The following HIPK2 variants were observed in gnomAD, a reference collection of about 807,000 sequenced individuals.
HIPK2 encodes the protein homeodomain-interacting protein kinase 2.
HIPK2 carries 27 observed loss-of-function variants against 113.7 expected under a neutral mutation model. The observed-to-expected ratio is 0.24, with a 90% confidence interval of 0.17 to 0.33. The LOEUF is 0.33. Ranked by LOEUF, HIPK2 falls within the 10% of genes least tolerant of loss-of-function variation. The pLI, the probability that HIPK2 is intolerant of heterozygous loss-of-function variation, is 1.00. For missense variants in HIPK2, 1,257 were observed against 1,588.0 expected (o/e 0.79, Z 3.54); for synonymous variants, 631 against 642.2 (o/e 0.98, Z 0.26).
chr7:139,676,567 A>G lies in HIPK2; in HGVS notation c.1103+39365T>C, dbSNP rs143790103. ...GAATGACAGCCCTTTTTCTGTGAGCACTAAGATCTAGTAGGGAAGAACAAA... is the reference window on the plus strand; with the variant it reads ...GAATGACAGCCCTTTTTCTGTGAGCGCTAAGATCTAGTAGGGAAGAACAAA... On this transcript the variant is annotated intron_variant, in intron 2 of 14. Transcript: ENST00000406875. Among the ~76,000 whole-genome samples the G allele has an allele frequency of 3.3e-3, 504 of 152,310 alleles. 4 individuals are homozygous for G. The highest frequency in any genetic ancestry group is 0.011 in the African/African-American group (474 of 41,570).
chr7:139,588,318 C>T (rs1798903881), intron 12 of HIPK2, among the ~76,000 whole-genome samples: 2 of 150,544 alleles, frequency 1.3e-5, no homozygotes, highest in Admixed American at 6.6e-5. Context: ...ACTCTGCCCC[C>T]ACACCGCGCT....
rs1012224313 is a variant in HIPK2 at position 139,569,849 on chromosome 7, G to A, written c.*3078C>T. 2.0e-5 allele frequency: 3 copies of A among 151,546 alleles called. No homozygotes were observed. Among genetic ancestry groups the A allele is most frequent in the Non-Finnish European group, 2.9e-5 (2 of 67,944 alleles). 9.4% of individuals were successfully genotyped at this position (151,546 alleles called of 1,614,324 possible). A position where few individuals can be genotyped will look rare whatever the true frequency, so the allele number is the denominator to read the frequency against. Reference sequence around the variant, plus strand: ...TTAAAGAGAAAACACAAAGATACTTGGAATAAATGTGCATTTAAAACCCTG... The same window carrying A: ...TTAAAGAGAAAACACAAAGATACTTAGAATAAATGTGCATTTAAAACCCTG... On this transcript the variant is annotated 3_prime_UTR_variant, in exon 15 of 15. Transcript: ENST00000406875.
chr7:139,730,486 G>A lies in HIPK2; in HGVS notation c.20-13471C>T, dbSNP rs559118889. On this transcript the variant is annotated intron_variant, in intron 1 of 14. Coordinates refer to ENST00000406875, the MANE Select transcript of HIPK2 (RefSeq NM_022740.5). ...AGCAATTCTCCTGCCTCAGCCTCCC[G>A]AGTAGTGGGGATTACAGGCATGAGC... is the stretch of plus-strand genomic sequence containing the variant. Among the ~76,000 whole-genome samples the A allele has an allele frequency of 8.6e-5, 13 of 151,896 alleles. No homozygotes were observed. In the East Asian group the frequency reaches 1.2e-3, roughly 14 times the overall value.
chr7:139,665,594 CCATCCATCCAT>C (rs1802021541), intron 2 of HIPK2, among the ~76,000 whole-genome samples: 2 of 151,886 alleles, frequency 1.3e-5, no homozygotes, highest in Non-Finnish European at 2.9e-5. Context: ...ATCCATCCAT[CCATCCATCCAT>C]CCACCCATGG....
At chr7:139,766,754 A>G (rs1163448410) in intron 1 of HIPK2, among the ~76,000 whole-genome samples, 3 of 152,206 alleles carry the variant, frequency 2.0e-5, no homozygotes, top group Non-Finnish European at 4.4e-5. Flanking sequence ...TCTAAGCCTC[A>G]ATTTCCTCTT....
At chr7:139,639,959 C>A (rs566124719) in intron 2 of HIPK2, among the ~76,000 whole-genome samples, 1 of 152,018 alleles carries the variant, frequency 6.6e-6, no homozygotes, top group African/African-American at 2.4e-5. Flanking sequence ...GTTCTCGGTT[C>A]GGTTTCAGGC....
In HIPK2 at chr7:139,571,513, C is replaced by T. The variant is rs1017077820; in HGVS notation, c.*1414G>A. The T allele has an allele frequency of 6.6e-6, 1 of 152,326 alleles. No homozygotes were observed. The highest frequency in any genetic ancestry group is 1.5e-5 in the Non-Finnish European group (1 of 68,096). The allele number at this position is 152,326 out of a possible 1,614,324, so 9.4% of individuals were successfully genotyped here. A position where few individuals can be genotyped will look rare whatever the true frequency, so the allele number is the denominator to read the frequency against. ...ACAACTCAACTCCCGCCGTCCCCAT[C>T]TCCAGACGCACCCGCCGGGCATCTG... On this transcript the variant is annotated 3_prime_UTR_variant, in exon 15 of 15. Coordinates refer to ENST00000406875, the MANE Select transcript of HIPK2 (RefSeq NM_022740.5).
At chr7:139,589,337 C>A (rs1158925526) in intron 12 of HIPK2, among the ~76,000 whole-genome samples, 2 of 151,854 alleles carry the variant, frequency 1.3e-5, no homozygotes, top group African/African-American at 2.4e-5. Flanking sequence ...ACCTATAGAC[C>A]CAGATCTGGC....
intron 11 of HIPK2, among the ~76,000 whole-genome samples, chr7:139,598,478 CA>C (rs573838093): frequency 3.9e-5 from 6 of 152,154 alleles, no homozygotes; most frequent in Non-Finnish European, 7.3e-5. Flanking sequence ...TTATGTTTTT[CA>C]CTACCAATGG....
chr7:139,736,433 G>A (rs772997560), intron 1 of HIPK2, among the ~76,000 whole-genome samples: 1 of 152,178 alleles, frequency 6.6e-6, no homozygotes, highest in African/African-American at 2.4e-5. Flanking sequence ...GAAGGGGCTC[G>A]CACACACCAG....
chr7:139,597,034 G>T, intron 11 of HIPK2, 36 bp from the exon 12 acceptor site: 1 of 1,559,394 alleles, frequency 6.4e-7, no homozygotes, highest in Non-Finnish European at 8.7e-7. Flanking sequence ...CACAGAGGAA[G>T]GTCAGGCCCC....
chr7:139,641,184 G>C (rs1801003011), intron 2 of HIPK2, among the ~76,000 whole-genome samples: 1 of 152,012 alleles, frequency 6.6e-6, no homozygotes, highest in Non-Finnish European at 1.5e-5. Context: ...GGTCAACATG[G>C]CAAAACCCCG....
chr7:139,698,012 G>A (rs1467425947), intron 2 of HIPK2, among the ~76,000 whole-genome samples: 2 of 151,996 alleles, frequency 1.3e-5, no homozygotes, highest in African/African-American at 2.4e-5. Context: ...ACAGGTGCAC[G>A]CCACCACGCC....
rs1296807837 is a variant in HIPK2, at chr7:139,565,023, A to T, written c.*7904T>A. 6.6e-6 allele frequency: 1 copy of T among 152,178 alleles called. No homozygotes were observed. The highest frequency in any genetic ancestry group is 1.9e-4 in the East Asian group (1 of 5,200). 9.4% of individuals were successfully genotyped at this position (152,178 alleles called of 1,614,324 possible). ...TTCAGAATTCACTTAAGCAACGATGACCGGGGGTATGAAGTAATCATTATT... is the reference window on the plus strand; with the variant it reads ...TTCAGAATTCACTTAAGCAACGATGTCCGGGGGTATGAAGTAATCATTATT... On this transcript the variant is annotated 3_prime_UTR_variant, in exon 15 of 15. Coordinates refer to ENST00000406875, the MANE Select transcript of HIPK2 (RefSeq NM_022740.5).
At chr7:139,641,963 C>A (rs1801041121) in intron 2 of HIPK2, among the ~76,000 whole-genome samples, 1 of 150,006 alleles carries the variant, frequency 6.7e-6, no homozygotes, top group Non-Finnish European at 1.5e-5. Context: ...ATTAATCTCA[C>A]TTTTTCTCTT....
At chr7:139,678,265 T>C (rs1802572904) in intron 2 of HIPK2, among the ~76,000 whole-genome samples, 1 of 152,252 alleles carries the variant, frequency 6.6e-6, no homozygotes, top group South Asian at 2.1e-4. Context: ...TTGCCATTGC[T>C]TTTGGTGTTT....
intron 2 of HIPK2, among the ~76,000 whole-genome samples, chr7:139,641,650 G>A (rs1801028187): frequency 6.6e-6 from 1 of 152,158 alleles, no homozygotes. Flanking sequence ...GGACCCCGGT[G>A]GGCAGAGTCA....
intron 7 of HIPK2, among the ~76,000 whole-genome samples, chr7:139,617,054 T>G (rs555631881): frequency 1.4e-4 from 22 of 152,282 alleles, no homozygotes; most frequent in Middle Eastern, 6.8e-3. Flanking sequence ...TCCCCTAGTT[T>G]CGAACCCTGC....
rs1474632226 is a variant in HIPK2 at position 139,630,006 on chromosome 7, T to C, written c.1348-967A>G. Among the ~76,000 whole-genome samples the C allele has an allele frequency of 6.6e-6, 1 of 151,996 alleles. No individual in the cohort carries two copies. The highest frequency in any genetic ancestry group is 1.5e-5 in the Non-Finnish European group (1 of 68,002). On this transcript the variant is annotated intron_variant, in intron 4 of 14. Transcript: ENST00000406875. This position sits in a 1 kb window ranked among gnomAD's most constrained non-coding sequence, Gnocchi z 4.0. ...TGTGACTACTGGATATATATTATCT[T>C]TAAACCATATTAGGATTTGGCTGCA...
Sources: allele counts gnomAD v4.1 joint callset (sites outside exome capture counted in the v4.1 genomes callset), GRCh38; gene constraint gnomAD v4.1.1; non-coding constraint Gnocchi (gnomAD v3.1); transcripts MANE v1.5; gene names NCBI Gene and HGNC (gene_info 2026-07-23, HGNC 2026-07-21).